The following PRKD1 variants were observed in gnomAD, a reference collection of about 807,000 sequenced individuals.
PRKD1 encodes the protein protein kinase D1, also known as serine/threonine-protein kinase D1.
PRKD1 carries 63 observed loss-of-function variants against 95.9 expected under a neutral mutation model. That is an observed-to-expected ratio of 0.66 (90% CI 0.54 to 0.81). The LOEUF is 0.81. Among genes scored for constraint, PRKD1 ranks in the 30% least tolerant of loss-of-function variants. PRKD1 has a pLI of 0.00. For synonymous variants in PRKD1, 425 were observed against 423.1 expected, an observed-to-expected ratio of 1.00 and a Z score of -0.05; for missense variants, 1,048 against 1,165.3, an observed-to-expected ratio of 0.90 and a Z score of 1.47.
chr14:29,781,258 T>C (rs544435115), intron 1 of PRKD1, among the ~76,000 whole-genome samples: 2 of 152,236 alleles, frequency 1.3e-5, no homozygotes, highest in Admixed American at 6.5e-5. Flanking sequence ...CTGCATGTTA[T>C]GCACATGTAC....
chr14:29,594,071 A>C, intron 16 of PRKD1: 1 of 446,334 alleles, frequency 2.2e-6, no homozygotes. Flanking sequence ...GCAGAGACGA[A>C]AGCAAATCAC....
At chr14:29,698,973 G>C (rs1366800733) in intron 2 of PRKD1, among the ~76,000 whole-genome samples, 1 of 152,072 alleles carries the variant, frequency 6.6e-6, no homozygotes, top group Admixed American at 6.5e-5. Flanking sequence ...AATACAGTCT[G>C]CTTACTTTTT....
At chr14:29,725,981 T>C (rs775707164) in intron 1 of PRKD1, among the ~76,000 whole-genome samples, 6 of 152,028 alleles carry the variant, frequency 3.9e-5, no homozygotes, top group Admixed American at 6.6e-5. Context: ...GGTTAAGAAA[T>C]ATAGGTGGGA....
At chr14:29,660,840 A>G (rs187423643) in intron 4 of PRKD1, among the ~76,000 whole-genome samples, 3 of 152,312 alleles carry the variant, frequency 2.0e-5, no homozygotes, top group Non-Finnish European at 4.4e-5. Context: ...CTTATAGATA[A>G]TGATACAGTG....
chr14:29,874,850 T>C (rs557783301), intron 1 of PRKD1, among the ~76,000 whole-genome samples: 33 of 151,960 alleles, frequency 2.2e-4, no homozygotes, highest in Non-Finnish European at 7.4e-5. Context: ...GGTATGAGGG[T>C]AGGATGGGGA....
At chr14:29,671,855 A>G (rs1213590329) in intron 2 of PRKD1, among the ~76,000 whole-genome samples, 2 of 152,180 alleles carry the variant, frequency 1.3e-5, no homozygotes, top group African/African-American at 2.4e-5. Flanking sequence ...AAAGTAACAG[A>G]AGAGTAATAA....
chr14:29,675,840 G>A (rs1344858684), intron 2 of PRKD1, among the ~76,000 whole-genome samples: 1 of 151,992 alleles, frequency 6.6e-6, no homozygotes, highest in African/African-American at 2.4e-5. Context: ...GGACATGGAT[G>A]AAGCTGGAAA....
Position 29,697,659 on chromosome 14 carries a change from T to C in PRKD1, c.403+27877A>G, listed in dbSNP as rs575373561. 6.6e-4 allele frequency among the ~76,000 whole-genome samples: 101 copies of C among 152,314 alleles called. 1 individual carries two copies. Among genetic ancestry groups the C allele is most frequent in the African/African-American group, 2.3e-3 (96 of 41,578 alleles). On this transcript the variant is annotated intron_variant, in intron 2 of 17. Coordinates refer to ENST00000331968, the MANE Select transcript of PRKD1 (RefSeq NM_002742.3). ...GTAATATAAAATGTCGTTTCATGAA[T>C]TGGACTAAGAAAATTTTAGAAGATC...
intron 1 of PRKD1, among the ~76,000 whole-genome samples, chr14:29,734,651 A>G (rs980402068): frequency 6.6e-6 from 1 of 152,174 alleles, no homozygotes; most frequent in African/African-American, 2.4e-5. Flanking sequence ...CAGCCCTATG[A>G]GAGCCCTAGG....
intron 1 of PRKD1, among the ~76,000 whole-genome samples, chr14:29,776,750 A>C (rs1594508044): frequency 6.6e-6 from 1 of 152,306 alleles, no homozygotes; most frequent in South Asian, 2.1e-4. Flanking sequence ...ACTTCCCCAA[A>C]CTAGCAAGGC....
chr14:29,618,258 A>ATTT (rs34749231), intron 13 of PRKD1, among the ~76,000 whole-genome samples: 3,732 of 145,542 alleles, frequency 0.026, 103 homozygotes, highest in African/African-American at 0.062. Context: ...ATCTACATTC[A>ATTT]TTTTTTTTTT....
In PRKD1 at chr14:29,753,897, C is replaced by A. The variant is rs12896582; in HGVS notation, c.265-28223G>T. On this transcript the variant is annotated intron_variant, in intron 1 of 17. Transcript: ENST00000331968. ...CCCAAACAATGTGGCAACGGATAGC[C>A]TGATGCATGCCTCCTTACGTACCTG... Among the ~76,000 whole-genome samples the A allele has an allele frequency of 2.3e-4, 35 of 152,164 alleles. 1 individual carries two copies. In the South Asian group the frequency reaches 5.2e-3, roughly 23 times the overall value.
chr14:29,624,942 T>C (rs1176908086), intron 12 of PRKD1, among the ~76,000 whole-genome samples: 3 of 152,128 alleles, frequency 2.0e-5, no homozygotes, highest in Non-Finnish European at 4.4e-5. Context: ...TACACTACTA[T>C]ATTGTGGTAG....
At chr14:29,814,994 CAA>C (rs1003393574) in intron 1 of PRKD1, among the ~76,000 whole-genome samples, 2 of 152,108 alleles carry the variant, frequency 1.3e-5, no homozygotes, top group African/African-American at 4.8e-5. Context: ...TGAACAAACC[CAA>C]AGTGTTTTGT....
At chr14:29,689,179 C>T (rs867165655) in intron 2 of PRKD1, among the ~76,000 whole-genome samples, 18 of 151,656 alleles carry the variant, frequency 1.2e-4, no homozygotes, top group African/African-American at 3.9e-4. Context: ...GAAAAGACAA[C>T]CTACAGAATG....
chr14:29,833,616 G>C (rs1335268824), intron 1 of PRKD1, among the ~76,000 whole-genome samples: 1 of 152,014 alleles, frequency 6.6e-6, no homozygotes, highest in Non-Finnish European at 1.5e-5. Context: ...TTCTAGAACA[G>C]GCAGAATTGA....
At chr14:29,808,431 C>CTTTTTTTTTT (rs1566612806) in intron 1 of PRKD1, among the ~76,000 whole-genome samples, 3 of 65,768 alleles carry the variant, frequency 4.6e-5, no homozygotes, top group Admixed American at 2.3e-4. Flanking sequence ...GGGAGTTTTG[C>CTTTTTTTTTT]TCTTGTCGCC....
chr14:29,582,080 C>T (rs74042663), intron 16 of PRKD1, among the ~76,000 whole-genome samples: 4,453 of 151,896 alleles, frequency 0.029, 225 homozygotes, highest in African/African-American at 0.1. Context: ...TGGTAAGACT[C>T]ATTCTACCAA....
intron 16 of PRKD1, among the ~76,000 whole-genome samples, chr14:29,580,452 G>A (rs1444475856): frequency 6.6e-6 from 1 of 152,074 alleles, no homozygotes. Context: ...AAACGTGTAT[G>A]TATAAATAAA....
Sources: allele counts gnomAD v4.1 joint callset (sites outside exome capture counted in the v4.1 genomes callset), GRCh38; gene constraint gnomAD v4.1.1; transcripts MANE v1.5; gene names NCBI Gene and HGNC (gene_info 2026-07-23, HGNC 2026-07-21).